Variants in RASGRF1 observed in about 807,000 individuals in gnomAD.
RASGRF1 encodes the protein ras-specific guanine nucleotide-releasing factor 1.
Under a neutral mutation model 138.7 loss-of-function variants are expected in RASGRF1, and 40 were observed. The observed-to-expected ratio is 0.29, with a 90% confidence interval of 0.22 to 0.38. The LOEUF is 0.38. RASGRF1 is among the 10% of genes least tolerant of loss of function. The probability of loss-of-function intolerance (pLI) is 1.00; values close to 1 mark genes in which losing one functional copy is unlikely to be tolerated. For missense variants in RASGRF1, 1,108 were observed against 1,650.4 expected (o/e 0.67, Z 5.69); for synonymous variants, 614 against 663.2 (o/e 0.93, Z 1.14).
At chr15:78,998,363 T>C (rs1275954944) in intron 18 of RASGRF1, 155 bp from the exon 19 acceptor site, 5 of 686,496 alleles carry the variant, frequency 7.3e-6, no homozygotes, top group Non-Finnish European at 1.3e-5. Context: ...TGGCAGGGCA[T>C]GAGAGGCTCT....
chr15:79,070,644 A>G (rs56201016), intron 1 of RASGRF1, among the ~76,000 whole-genome samples: 15,108 of 152,292 alleles, frequency 0.099, 989 homozygotes, highest in Non-Finnish European at 0.15. Context: ...CAAAATGGGC[A>G]TAAGAAGAGT....
intron 24 of RASGRF1, among the ~76,000 whole-genome samples, chr15:78,977,656 C>G (rs572963523): frequency 6.6e-6 from 1 of 152,152 alleles, no homozygotes; most frequent in Non-Finnish European, 1.5e-5. Flanking sequence ...CTAGCTGACA[C>G]GCTCCTCCAT....
intron 4 of RASGRF1, among the ~76,000 whole-genome samples, chr15:79,048,733 C>T (rs530884928): frequency 1.1e-3 from 170 of 152,324 alleles, no homozygotes; most frequent in African/African-American, 4.0e-3. Context: ...AAATCTCAAA[C>T]ACACTGGTAC....
At chr15:79,024,814 C>A (rs2057021275) in intron 10 of RASGRF1, among the ~76,000 whole-genome samples, 2 of 151,928 alleles carry the variant, frequency 1.3e-5, no homozygotes, top group African/African-American at 4.8e-5. Context: ...GGTATTTCTT[C>A]ATAGCAGTAT....
Position 79,049,572 on chromosome 15 carries a change from T to C in RASGRF1, c.548A>G (p.Lys183Arg). The change falls in exon 4 of 27, where the codon AAG becomes AGG. Residue 183 changes from lysine (K) to arginine (R), a missense_variant. Physicochemically the swap from Lys to Arg is conservative, Grantham distance 26. Transcript: ENST00000558480. The stretch of plus-strand genomic sequence containing the variant: ...GGTGGACTGGATGCGCTCATTGTCC[T>C]TGAGCAGGGATGTGATCTGCAACAG... The part of the protein sequence containing the change: ...RLKAEITSLL[K>R]DNERIQSTQT... The C allele has an allele frequency of 6.2e-7, 1 of 1,613,516 alleles. No individual in the cohort carries two copies. Among genetic ancestry groups the C allele is most frequent in the Non-Finnish European group, 8.5e-7 (1 of 1,179,776 alleles).
At chr15:79,064,345 C>A in intron 2 of RASGRF1, 75 bp downstream of exon 2, 1 of 1,417,396 alleles carries the variant, frequency 7.1e-7, no homozygotes, top group Non-Finnish European at 9.8e-7. Context: ...TGGCTTTGTT[C>A]AAAGGCCCTT....
At chr15:79,087,305 A>G (rs2057994271) in intron 1 of RASGRF1, among the ~76,000 whole-genome samples, 1 of 152,246 alleles carries the variant, frequency 6.6e-6, no homozygotes, top group South Asian at 2.1e-4. Flanking sequence ...AACATATGAT[A>G]GGCTAACAAG....
intron 2 of RASGRF1, among the ~76,000 whole-genome samples, chr15:79,064,192 A>G (rs1368924701): frequency 1.3e-5 from 2 of 152,178 alleles, no homozygotes; most frequent in Non-Finnish European, 2.9e-5. Flanking sequence ...CTAGTGTGGG[A>G]GCAGGGTAGG....
At chr15:79,042,647 G>C (rs1222218551) in intron 5 of RASGRF1, among the ~76,000 whole-genome samples, 1 of 152,198 alleles carries the variant, frequency 6.6e-6, no homozygotes, top group Non-Finnish European at 1.5e-5. Context: ...AACAGATCTA[G>C]GTTACAATCC....
rs1441641025 is a variant in RASGRF1 at position 79,006,389 on chromosome 15, G to A, written c.1872C>T (p.Ser624=). ...LYCDDVDIRF[S]KTMNSCKVLQ... is the part of the protein sequence containing the mutation. ...GCACTTTGCAGGAGTTCATGGTTTT[G>A]CTGAAGCGAATGTCAACATCATCAC... Residue 624 remains serine (S), a synonymous_variant, in exon 14 of 27, where the codon AGC becomes AGT. Transcript: ENST00000558480. The surrounding 1 kb of genome is among the most constrained non-coding windows in gnomAD (Gnocchi z 4.0). 6.2e-7 allele frequency: 1 copy of A among 1,613,940 alleles called. No individual in the cohort carries two copies. Among genetic ancestry groups the A allele is most frequent in the Non-Finnish European group, 8.5e-7 (1 of 1,180,018 alleles).
At chr15:79,066,591 G>A (rs1437384802) in intron 1 of RASGRF1, among the ~76,000 whole-genome samples, 3 of 152,250 alleles carry the variant, frequency 2.0e-5, no homozygotes, top group Admixed American at 6.5e-5. Context: ...AGGGGACTCA[G>A]AGCTGCATGG....
intron 1 of RASGRF1, among the ~76,000 whole-genome samples, chr15:79,085,698 C>A (rs1466576196): frequency 1.3e-5 from 2 of 152,130 alleles, no homozygotes; most frequent in African/African-American, 4.8e-5. Flanking sequence ...CCAGGCTCTT[C>A]AGGAGGGAAG....
rs187674326 is a variant in RASGRF1, at chr15:78,999,151, C to A, written c.2747-326G>T. ...AGCTCAAAGGGGCCCCTATTCCAGT[C>A]TCTGCTGCAGGATCAAGGATGCAGA... On this transcript the variant is annotated intron_variant, in intron 17 of 26. Transcript: ENST00000558480. 1.3e-4 allele frequency among the ~76,000 whole-genome samples: 20 copies of A among 152,268 alleles called. No individual in the cohort carries two copies. In the East Asian group the frequency reaches 3.9e-3, roughly 29 times the overall value.
chr15:79,017,854 C>T lies in RASGRF1; in HGVS notation c.1659G>A (p.Glu553=). The stretch of plus-strand genomic sequence containing the variant: ...CTGTAAAGGGCGGGGAATCCTTTGG[C>T]TCCACCCCGATTTTAAAATCCAAGT... The part of the protein sequence containing the change: ...IDHLDFKIGV[E]PKDSPPFTVI... The change falls in exon 12 of 27, where the codon GAG becomes GAA. Residue 553 remains glutamate (E), a synonymous_variant. Coordinates refer to ENST00000558480, the MANE Select transcript of RASGRF1 (RefSeq NM_001145648.3). The T allele has an allele frequency of 6.2e-7, 1 of 1,613,828 alleles. No individual in the cohort carries two copies. Among genetic ancestry groups the T allele is most frequent in the Non-Finnish European group, 8.5e-7 (1 of 1,179,898 alleles).
Position 79,090,545 on chromosome 15 carries a change from G to C in RASGRF1, c.-47C>G, listed in dbSNP as rs769681240. ...CCCCACGCGCTTACATCTTCTCCGC[G>C]CAGCAGCCCCCCGTCCGTGCGCGCT... On this transcript the variant is annotated 5_prime_UTR_variant, in exon 1 of 27. Transcript: ENST00000558480. 1.3e-6 allele frequency: 2 copies of C among 1,589,288 alleles called. No individual in the cohort carries two copies. Among genetic ancestry groups the C allele is most frequent in the South Asian group, 2.2e-5 (2 of 89,790 alleles).
At chr15:78,969,719 ATT>A (rs994536125) in intron 26 of RASGRF1, among the ~76,000 whole-genome samples, 1 of 152,114 alleles carries the variant, frequency 6.6e-6, no homozygotes, top group African/African-American at 2.4e-5. Flanking sequence ...ATGGCCCCCT[ATT>A]CCTTTCCCAA....
At chr15:79,039,964 T>A (rs963736243) in intron 5 of RASGRF1, among the ~76,000 whole-genome samples, 1 of 152,148 alleles carries the variant, frequency 6.6e-6, no homozygotes, top group Non-Finnish European at 1.5e-5. Context: ...AGATGGGATC[T>A]CCCTATGTTG....
chr15:79,006,265 G>A lies in RASGRF1; in HGVS notation c.1996C>T (p.Arg666Cys). The A allele has an allele frequency of 6.2e-7, 1 of 1,614,176 alleles. No homozygotes were observed. Among genetic ancestry groups the A allele is most frequent in the South Asian group, 1.1e-5 (1 of 91,080 alleles). ...DFLNTFLHSYRVFTTAIVVLD... is the reference protein window; with the variant it reads ...DFLNTFLHSYCVFTTAIVVLD... ...ACCACGATGGCGGTGGTGAAGACGC[G>A]GTAGGAGTGCAGGAAGGTGTTGAGG... The change falls in exon 14 of 27, where the codon CGC becomes TGC. Residue 666 changes from arginine (R) to cysteine (C), a missense_variant. By Grantham distance (180) the Arg-to-Cys change is radical (BLOSUM62 -3). Transcript: ENST00000558480. This position sits in a 1 kb window ranked among gnomAD's most constrained non-coding sequence, Gnocchi z 4.0.
intron 24 of RASGRF1, among the ~76,000 whole-genome samples, chr15:78,976,584 A>ACACACACC (rs145374777): frequency 2.4e-4 from 37 of 151,622 alleles, no homozygotes; most frequent in African/African-American, 8.0e-4. Flanking sequence ...ACACACACAC[A>ACACACACC]CCCATCCGAA....
Sources: allele counts gnomAD v4.1 joint callset (sites outside exome capture counted in the v4.1 genomes callset), GRCh38; gene constraint gnomAD v4.1.1; non-coding constraint Gnocchi (gnomAD v3.1); transcripts MANE v1.5; gene names NCBI Gene and HGNC (gene_info 2026-07-23, HGNC 2026-07-21).